PCDHGB2: variants seen among roughly 807,000 people sequenced by gnomAD.
PCDHGB2 encodes protocadherin gamma subfamily B, 2, also known as protocadherin gamma-B2.
A neutral mutation model predicts 59.3 loss-of-function variants in PCDHGB2; 55 were observed. The observed-to-expected ratio is 0.93, with a 90% CI of 0.75 to 1.16. The LOEUF is 1.16. Among genes scored for constraint, PCDHGB2 ranks in the 50% most tolerant of loss-of-function variants. The pLI, the probability that PCDHGB2 is intolerant of heterozygous loss-of-function variation, is 0.00. For missense variants in PCDHGB2, 1,228 were observed against 1,198.5 expected, an observed-to-expected ratio of 1.02 and a Z score of -0.36; for synonymous variants, 516 against 512.0, an observed-to-expected ratio of 1.01 and a Z score of -0.11.
intron 1 of PCDHGB2, chr5:141,403,943 A>T: frequency 6.2e-7 from 1 of 1,613,934 alleles, no homozygotes; most frequent in Non-Finnish European, 8.5e-7. Context: ...GAAAGGGTGG[A>T]CAAAAGTGCT....
At chr5:141,501,510 T>A (rs11744379) in intron 2 of PCDHGB2, among the ~76,000 whole-genome samples, 1 of 151,824 alleles carries the variant, frequency 6.6e-6, no homozygotes, top group African/African-American at 2.4e-5. Flanking sequence ...CTCCAAGGCC[T>A]CCAAGCTGAA....
At chr5:141,405,498 C>T in intron 1 of PCDHGB2, 2 of 784,948 alleles carry the variant, frequency 2.5e-6, no homozygotes, top group Admixed American at 2.7e-5. Flanking sequence ...CGGCTCATTG[C>T]AACCTCCGCC....
At chr5:141,364,805 G>A (rs1763547717) in intron 1 of PCDHGB2, 1 of 1,614,018 alleles carries the variant, frequency 6.2e-7, no homozygotes, top group Non-Finnish European at 8.5e-7. Flanking sequence ...CTTCGCGCGG[G>A]ATGCGGATGT....
At chr5:141,455,860 A>ATTATTTAT (rs145569377) in intron 1 of PCDHGB2, among the ~76,000 whole-genome samples, 155 of 139,844 alleles carry the variant, frequency 1.1e-3, no homozygotes, top group Non-Finnish European at 1.5e-3. Flanking sequence ...AATTTCTTTT[A>ATTATTTAT]TTATTTATTT....
At chr5:141,463,034 G>A (rs2099051345) in intron 1 of PCDHGB2, among the ~76,000 whole-genome samples, 2 of 152,112 alleles carry the variant, frequency 1.3e-5, no homozygotes, top group African/African-American at 4.8e-5. Flanking sequence ...ATTAATCTGA[G>A]TGTTCAGCAG....
At chr5:141,405,316 T>C (rs752153213) in intron 1 of PCDHGB2, 5 of 1,614,232 alleles carry the variant, frequency 3.1e-6, no homozygotes, top group Non-Finnish European at 4.2e-6. Context: ...GTGAGAAAAA[T>C]GAGCCTTTGT....
chr5:141,434,010 T>C (rs772136259), intron 1 of PCDHGB2, among the ~76,000 whole-genome samples: 26 of 152,224 alleles, frequency 1.7e-4, no homozygotes, highest in Non-Finnish European at 3.1e-4. Flanking sequence ...TATATGTTTG[T>C]TTCTATGATT....
intron 1 of PCDHGB2, chr5:141,383,993 T>C: frequency 2.5e-6 from 4 of 1,613,872 alleles, no homozygotes; most frequent in Non-Finnish European, 3.4e-6. Context: ...CTTGGGACAG[T>C]CATTGCTCTT....
intron 1 of PCDHGB2, chr5:141,365,416 C>T (rs780113082): frequency 5.0e-6 from 8 of 1,613,930 alleles, no homozygotes; most frequent in Non-Finnish European, 6.8e-6. Context: ...ACTGTCTTCC[C>T]GGAACTGTAA....
rs1561869085 is a variant in PCDHGB2, at chr5:141,433,357, GCCTA to G, written c.2422-61449_2422-61446del. On this transcript the variant is annotated intron_variant, in intron 1 of 3. Transcript: ENST00000522605. ...TACAGGTGCAAGCCACCTACTGTCT[GCCTA>G]TCTATCTATCTATCTATCTATCTAT... is the stretch of plus-strand genomic sequence containing the variant. 3 of 568,974 alleles carry G rather than the reference GCCTA, an allele frequency of 5.3e-6. No homozygotes were observed. In the African/African-American group the frequency reaches 6.4e-5, roughly 12 times the overall value. The allele number at this position is 568,974 out of a possible 1,614,324, so 35.2% of individuals were successfully genotyped here.
At position 141,489,297 on chromosome 5, in the gene PCDHGB2, G is replaced by A. The variant is rs184934961; in HGVS notation, c.2422-5510G>A. 5.1e-6 allele frequency: 8 copies of A among 1,583,774 alleles called. No homozygotes were observed. Among genetic ancestry groups the A allele is most frequent in the Non-Finnish European group, 6.9e-6 (8 of 1,164,904 alleles). ...GGAAATGGCAAGTGCTGTGCATGTT[G>A]TCCTTGTGCTGCTGGGGCTGGGTGT... is the stretch of plus-strand genomic sequence containing the variant. On this transcript the variant is annotated intron_variant, in intron 1 of 3. Coordinates refer to ENST00000522605, the MANE Select transcript of PCDHGB2 (RefSeq NM_018923.3). This position sits in a 1 kb window ranked among gnomAD's most constrained non-coding sequence, Gnocchi z 4.5.
At position 141,459,173 on chromosome 5, in the gene PCDHGB2, AG is replaced by A. The variant is rs370401072; in HGVS notation, c.2422-35633del. Among the ~76,000 whole-genome samples the A allele has an allele frequency of 3.1e-3, 479 of 152,326 alleles. 10 individuals carry two copies. In the South Asian group the frequency reaches 0.063, roughly 20 times the overall value. ...ATAGAACATTTCTATAACCTTCAAA[AG>A]TTCCCTCATGCCCCTTTGCAATCAA... On this transcript the variant is annotated intron_variant, in intron 1 of 3. Coordinates refer to ENST00000522605, the MANE Select transcript of PCDHGB2 (RefSeq NM_018923.3).
At chr5:141,417,710 TC>T (rs1471403767) in intron 1 of PCDHGB2, 1 of 1,249,228 alleles carries the variant, frequency 8.0e-7, no homozygotes, top group Non-Finnish European at 1.1e-6. Flanking sequence ...ACACAGAGGC[TC>T]CCGGCTGCGC....
intron 1 of PCDHGB2, chr5:141,371,313 C>G: frequency 6.2e-7 from 1 of 1,613,964 alleles, no homozygotes; most frequent in Non-Finnish European, 8.5e-7. Context: ...TATTGGAGAA[C>G]TGGACTTTGA....
intron 1 of PCDHGB2, chr5:141,394,309 C>T (rs2092971552): frequency 6.2e-7 from 1 of 1,613,992 alleles, no homozygotes; most frequent in Non-Finnish European, 8.5e-7. Flanking sequence ...CTGCAGGGGG[C>T]GCCCCTGTCC....
chr5:141,373,048 A>G (rs1215321006), intron 1 of PCDHGB2, among the ~76,000 whole-genome samples: 2 of 152,146 alleles, frequency 1.3e-5, no homozygotes, highest in African/African-American at 4.8e-5. Flanking sequence ...ATCCTAATAC[A>G]CTATAATCTG....
intron 1 of PCDHGB2, chr5:141,375,639 CCTTCGACTA>C (rs1771695189): frequency 6.2e-6 from 10 of 1,614,244 alleles, no homozygotes; most frequent in Non-Finnish European, 8.5e-6. Flanking sequence ...GCCCTGCGCT[CCTTCGACTA>C]TGAGCAGTTG....
chr5:141,371,060 A>ATC (rs751376669), intron 1 of PCDHGB2: 2 of 1,613,980 alleles, frequency 1.2e-6, no homozygotes, highest in South Asian at 2.2e-5. Context: ...AGCCCTCCAG[A>ATC]AGCTGTACCA....
intron 1 of PCDHGB2, chr5:141,365,863 C>T (rs2149883393): frequency 8.1e-6 from 13 of 1,614,038 alleles, no homozygotes; most frequent in South Asian, 1.1e-5. Context: ...ACTCTGACAC[C>T]GGTGTCCTGT....
Sources: gnomAD v4.1 joint callset for allele counts (sites outside exome capture counted in the v4.1 genomes callset) on GRCh38, gnomAD v4.1.1 for gene constraint, Gnocchi (gnomAD v3.1) non-coding constraint, MANE v1.5 for transcripts, NCBI Gene and HGNC (gene_info 2026-07-23, HGNC 2026-07-21) for gene names.